SAMD12: variants seen among roughly 807,000 people sequenced by gnomAD.
The protein encoded by SAMD12 is sterile alpha motif domain-containing protein 12.
A neutral mutation model predicts 15.0 loss-of-function variants in SAMD12; 9 were observed. The observed-to-expected ratio is 0.60, with a 90% CI of 0.36 to 1.05. SAMD12 has a LOEUF of 1.05. Among genes scored for constraint, SAMD12 ranks in the 50% least tolerant of loss-of-function variants. The pLI is 0.01. For synonymous variants in SAMD12, 86 were observed against 90.1 expected, an observed-to-expected ratio of 0.96 and a Z score of 0.25; for missense variants, 230 against 234.2, an observed-to-expected ratio of 0.98 and a Z score of 0.12.
chr8:118,283,870 T>C (rs1236618134), intron 4 of SAMD12, among the ~76,000 whole-genome samples: 1 of 152,184 alleles, frequency 6.6e-6, no homozygotes, highest in Non-Finnish European at 1.5e-5. Context: ...TTTAGGAGTT[T>C]CATTCAGAAA....
chr8:118,432,903 G>A (rs1306869441), intron 3 of SAMD12, among the ~76,000 whole-genome samples: 3 of 152,066 alleles, frequency 2.0e-5, no homozygotes, highest in African/African-American at 4.8e-5. Context: ...TGCCACTGCC[G>A]CCATCACCAC....
chr8:118,469,804 C>G (rs1441474143), intron 2 of SAMD12, among the ~76,000 whole-genome samples: 1 of 150,472 alleles, frequency 6.6e-6, no homozygotes, highest in African/African-American at 2.4e-5. Flanking sequence ...CTCAGGTGAT[C>G]CATCTGCCTC....
In SAMD12 at chr8:118,580,841, T is replaced by G; in HGVS notation, c.66A>C (p.Glu22Asp). ...PRGIDHPAHA[E>D]GIKLQIEGEG... ...CACCTTCAATTTGCAGTTTAATACCTTCAGCATGGGCAGGGTGATCAATAC... is the reference window on the plus strand; with the variant it reads ...CACCTTCAATTTGCAGTTTAATACCGTCAGCATGGGCAGGGTGATCAATAC... The change falls in exon 2 of 4, where the codon GAA (glutamate) becomes GAC (aspartate). Residue 22 changes from glutamate (E) to aspartate (D), a missense_variant. By Grantham distance (45) the Glu-to-Asp change is conservative. Transcript: ENST00000314727. 1 of 1,613,148 alleles carries G rather than the reference T, an allele frequency of 6.2e-7. No homozygotes were observed. The highest frequency in any genetic ancestry group is 8.5e-7 in the Non-Finnish European group (1 of 1,179,400).
intron 4 of SAMD12, among the ~76,000 whole-genome samples, chr8:118,359,607 T>G (rs1307074011): frequency 6.6e-6 from 1 of 152,190 alleles, no homozygotes; most frequent in African/African-American, 2.4e-5. Context: ...GGAGAGAGCT[T>G]GTGTTTGAAT....
intron 3 of SAMD12, among the ~76,000 whole-genome samples, chr8:118,414,374 G>C (rs1214026111): frequency 7.0e-6 from 1 of 142,770 alleles, no homozygotes; most frequent in Admixed American, 7.1e-5. Flanking sequence ...TAGTGACAAT[G>C]TACCACATCT....
chr8:118,362,688 T>A (rs1159407275), intron 4 of SAMD12, among the ~76,000 whole-genome samples: 1 of 152,212 alleles, frequency 6.6e-6, no homozygotes, highest in Admixed American at 6.6e-5. Flanking sequence ...GTCACATACT[T>A]CTTACATAGC....
chr8:118,447,651 T>C (rs1437409642), intron 2 of SAMD12, among the ~76,000 whole-genome samples: 1 of 151,824 alleles, frequency 6.6e-6, no homozygotes, highest in Non-Finnish European at 1.5e-5. Context: ...TTGATCTAGC[T>C]ACCCAGCTCT....
intron 4 of SAMD12, among the ~76,000 whole-genome samples, chr8:118,211,557 T>G (rs1431404187): frequency 6.6e-6 from 1 of 152,254 alleles, no homozygotes. Flanking sequence ...TTTGGGCAAG[T>G]CTTCCTTAAA....
At chr8:118,621,513 C>G (rs1347670503) in intron 1 of SAMD12, 2 of 488,930 alleles carry the variant, frequency 4.1e-6, no homozygotes, top group South Asian at 3.3e-5. Flanking sequence ...GCCGGATCCT[C>G]CGGCTTTCCC....
chr8:118,541,308 T>TC (rs1479453533), intron 2 of SAMD12, among the ~76,000 whole-genome samples: 2 of 152,146 alleles, frequency 1.3e-5, no homozygotes, highest in African/African-American at 4.8e-5. Flanking sequence ...GCCTTACCCT[T>TC]CCTCAAGTAA....
intron 4 of SAMD12, among the ~76,000 whole-genome samples, chr8:118,319,715 A>G (rs1208183853): frequency 6.6e-6 from 1 of 152,176 alleles, no homozygotes; most frequent in African/African-American, 2.4e-5. Context: ...TAGGGGTGAG[A>G]AAGAGGGAGC....
At chr8:118,477,614 A>G (rs1392286139) in intron 2 of SAMD12, among the ~76,000 whole-genome samples, 2 of 152,152 alleles carry the variant, frequency 1.3e-5, no homozygotes, top group Non-Finnish European at 2.9e-5. Flanking sequence ...TTTGGTTTGA[A>G]TATCAGTTGA....
chr8:118,554,684 A>G (rs1190015409), intron 2 of SAMD12, among the ~76,000 whole-genome samples: 2 of 151,978 alleles, frequency 1.3e-5, no homozygotes, highest in Non-Finnish European at 2.9e-5. Context: ...AATAATAATA[A>G]AAAAGAACTA....
intron 2 of SAMD12, among the ~76,000 whole-genome samples, chr8:118,524,277 A>G (rs1287460349): frequency 6.6e-6 from 1 of 152,094 alleles, no homozygotes; most frequent in Non-Finnish European, 1.5e-5. Flanking sequence ...TCCTATGGGC[A>G]ATTCTCAGGC....
intron 4 of SAMD12, among the ~76,000 whole-genome samples, chr8:118,268,082 G>C (rs2130095416): frequency 6.6e-6 from 1 of 151,948 alleles, no homozygotes; most frequent in South Asian, 2.1e-4. Flanking sequence ...ACAGAGCAAG[G>C]CTTCATCTCA....
At chr8:118,509,340 T>A (rs1026814407) in intron 2 of SAMD12, among the ~76,000 whole-genome samples, 2 of 152,182 alleles carry the variant, frequency 1.3e-5, no homozygotes, top group African/African-American at 4.8e-5. Flanking sequence ...CTAAGTTGAT[T>A]AAACTCACAG....
chr8:118,214,425 G>A (rs1427477942), intron 4 of SAMD12, among the ~76,000 whole-genome samples: 1 of 152,070 alleles, frequency 6.6e-6, no homozygotes, highest in Non-Finnish European at 1.5e-5. Context: ...TTAGCTGATG[G>A]TCATAGTGTG....
At chr8:118,286,669 G>A (rs1414326683) in intron 4 of SAMD12, among the ~76,000 whole-genome samples, 1 of 152,186 alleles carries the variant, frequency 6.6e-6, no homozygotes, top group Non-Finnish European at 1.5e-5. Context: ...GGAGGGGATT[G>A]ATCAGGGGAG....
chr8:118,377,530 A>C (rs1819450108), downstream of SAMD12, among the ~76,000 whole-genome samples: 1 of 152,222 alleles, frequency 6.6e-6, no homozygotes, highest in Non-Finnish European at 1.5e-5. Context: ...AAAGAATTAA[A>C]AATGTACAGC....
Sources: gnomAD v4.1 joint callset for allele counts (sites outside exome capture counted in the v4.1 genomes callset) on GRCh38, gnomAD v4.1.1 for gene constraint, MANE v1.5 for transcripts, NCBI Gene and HGNC (gene_info 2026-07-23, HGNC 2026-07-21) for gene names.